PLEKHG4B: variants seen among roughly 807,000 people sequenced by gnomAD.
The protein encoded by PLEKHG4B is pleckstrin homology domain-containing family G member 4B.
In PLEKHG4B, 111 loss-of-function variants were observed where a neutral mutation model predicts 121.3. The ratio of observed to expected loss-of-function variants is 0.92; its 90% CI spans 0.78 to 1.07. The LOEUF (loss-of-function observed/expected upper bound fraction) is 1.07, where lower values mean the gene tolerates loss of function less well. PLEKHG4B is among the 50% of genes least tolerant of loss of function. The pLI is 0.00. For synonymous variants in PLEKHG4B, 738 were observed against 725.0 expected, an observed-to-expected ratio of 1.02 and a Z score of -0.29; for missense variants, 1,831 against 1,757.8, an observed-to-expected ratio of 1.04 and a Z score of -0.74.
chr5:102,494 C>G (rs1733850581), intron 1 of PLEKHG4B, among the ~76,000 whole-genome samples: 1 of 152,072 alleles, frequency 6.6e-6, no homozygotes. Flanking sequence ...AACACTGCAA[C>G]CGCCAGTGCT....
chr5:138,477 A>G (rs1208619801), intron 2 of PLEKHG4B, among the ~76,000 whole-genome samples: 1 of 152,230 alleles, frequency 6.6e-6, no homozygotes, highest in Non-Finnish European at 1.5e-5. Context: ...AAGGCTTTTG[A>G]GAATAACCTT....
In PLEKHG4B at chr5:162,873, G is replaced by A. The variant is rs1008570190; in HGVS notation, c.2801G>A (p.Gly934Glu). The A allele has an allele frequency of 2.0e-6, 3 of 1,518,420 alleles. No homozygotes were observed. Among genetic ancestry groups the A allele is most frequent in the African/African-American group, 1.4e-5 (1 of 72,490 alleles). 94.1% of individuals were successfully genotyped at this position (1,518,420 alleles called of 1,614,324 possible). A position where few individuals can be genotyped will look rare whatever the true frequency, so the allele number is the denominator to read the frequency against. The change falls in exon 13 of 20, where the codon GGG (glycine) becomes GAG (glutamate). Residue 934 changes from glycine to glutamate, a missense_variant. Gly to Glu is a moderately conservative substitution (Grantham distance 98, BLOSUM62 -2). Coordinates refer to ENST00000637938, the MANE Select transcript of PLEKHG4B (RefSeq NM_052909.5). ...GVAVLKPHAL[G>E]KPWASQQDLW... is the part of the protein sequence containing the mutation. ...GCAGTGCTGAAGCCTCATGCCCTGG[G>A]GAAACCGTGGGCATCACAGCAAGAC...
chr5:152,334 C>T (rs1179772232), intron 7 of PLEKHG4B, among the ~76,000 whole-genome samples: 3 of 151,802 alleles, frequency 2.0e-5, no homozygotes, highest in African/African-American at 7.3e-5. Context: ...CCTCAGCCTC[C>T]TGAGTAACTG....
intron 7 of PLEKHG4B, 107 bp downstream of exon 7, chr5:151,706 C>T (rs1735611990): frequency 5.8e-6 from 4 of 691,370 alleles, no homozygotes; most frequent in African/African-American, 1.9e-5. Context: ...TAATTGCATC[C>T]ATGTGGGAGC....
intron 7 of PLEKHG4B, among the ~76,000 whole-genome samples, chr5:154,108 C>A (rs1197095575): frequency 6.6e-6 from 1 of 152,072 alleles, no homozygotes; most frequent in African/African-American, 2.4e-5. Context: ...TGGGTTCAAG[C>A]AATTCTCCTG....
chr5:169,708 T>G, intron 14 of PLEKHG4B, 116 bp downstream of exon 14: 91 of 1,439,344 alleles, frequency 6.3e-5, no homozygotes, highest in Non-Finnish European at 8.1e-5. Flanking sequence ...AGTCCAGGTC[T>G]AGGAGCTGGT....
Position 156,103 on chromosome 5 carries a change from G to T in PLEKHG4B, c.2241G>T (p.Thr747=). ...CCGAGTTAATTGACCAGCATGAGAC[G>T]ATGATGAAGCTTGTCCTGGAAGACC... The part of the protein sequence containing the change: ...EVAELIDQHE[T]MMKLVLEDPL... The change falls in exon 10 of 20, where the codon ACG becomes ACT. Residue 747 remains threonine, a synonymous_variant. Transcript: ENST00000637938. The surrounding 1 kb of genome is among the most constrained non-coding windows in gnomAD (Gnocchi z 4.4). 2.5e-6 allele frequency: 4 copies of T among 1,599,654 alleles called. No individual in the cohort carries two copies. Among genetic ancestry groups the T allele is most frequent in the Non-Finnish European group, 3.4e-6 (4 of 1,172,600 alleles).
In PLEKHG4B at chr5:143,398, G is replaced by A. The variant is rs766418732; in HGVS notation, c.1706G>A (p.Gly569Asp). 6.8e-6 allele frequency: 11 copies of A among 1,612,738 alleles called. No homozygotes were observed. In the East Asian group the frequency reaches 8.9e-5, roughly 13 times the overall value. Residue 569 changes from glycine to aspartate, a missense_variant, in exon 5 of 20, where the codon GGC (glycine) becomes GAC (aspartate). Coordinates refer to ENST00000637938, the MANE Select transcript of PLEKHG4B (RefSeq NM_052909.5). Reference sequence around the variant, plus strand: ...TCCGCAGGGACCCGAGACCGTCATGGCAGAGCAGTGGTGCAGGTCCGCACC... The same window carrying A: ...TCCGCAGGGACCCGAGACCGTCATGACAGAGCAGTGGTGCAGGTCCGCACC... ...VTLPGTRDRH[G>D]RAVVQVRTRS...
intron 18 of PLEKHG4B, among the ~76,000 whole-genome samples, chr5:174,791 C>G (rs568713494): frequency 6.6e-6 from 1 of 152,196 alleles, no homozygotes. Flanking sequence ...GGTCTTCTGT[C>G]TCAGGGCTCT....
chr5:130,759 A>G (rs1318213269), intron 2 of PLEKHG4B, among the ~76,000 whole-genome samples: 7 of 152,246 alleles, frequency 4.6e-5, no homozygotes, highest in Non-Finnish European at 1.0e-4. Context: ...TAGAGAAGAC[A>G]TCAAAATGAG....
chr5:122,874 C>T (rs762019906), intron 2 of PLEKHG4B, among the ~76,000 whole-genome samples: 1 of 152,068 alleles, frequency 6.6e-6, no homozygotes, highest in Non-Finnish European at 1.5e-5. Flanking sequence ...CAATTTGTGG[C>T]AACAAAAGGC....
At chr5:120,116 G>T (rs1052546629) in intron 2 of PLEKHG4B, among the ~76,000 whole-genome samples, 2 of 152,116 alleles carry the variant, frequency 1.3e-5, no homozygotes, top group Admixed American at 6.5e-5. Context: ...AGTCATGGTG[G>T]GTGGTGCATG....
rs961125201 is a variant in PLEKHG4B, at chr5:157,912, G to A, written c.2487+1001G>A. ...GCTCCCCCGGCCTTCAGGTCCATGC[G>A]CGTGCCCTCACGGGGGCCTCCAGAC... On this transcript the variant is annotated intron_variant, in intron 11 of 19. Coordinates refer to ENST00000637938, the MANE Select transcript of PLEKHG4B (RefSeq NM_052909.5). This position sits in a 1 kb window ranked among gnomAD's most constrained non-coding sequence, Gnocchi z 4.6. Among the ~76,000 whole-genome samples, 7 of 152,148 alleles carry A rather than the reference G, an allele frequency of 4.6e-5. No individual in the cohort carries two copies. The highest frequency in any genetic ancestry group is 1.4e-4 in the African/African-American group (6 of 41,418).
At chr5:161,984 T>G (rs1736022852) in intron 12 of PLEKHG4B, 40 bp downstream of exon 12, 2 of 1,563,168 alleles carry the variant, frequency 1.3e-6, no homozygotes, top group Admixed American at 1.8e-5. Context: ...GGATCCCGGC[T>G]CCTTAGGCTG....
rs59129705 is a variant in PLEKHG4B, at chr5:179,933, AT to A, written c.4403-1578del. ...TGTAGGTTTGTGTTTGATTCCTTTT[AT>A]TTGATGGATTTCGGTTTCCTTTTGA... On this transcript the variant is annotated intron_variant, in intron 18 of 19. Transcript: ENST00000637938. 8.9e-3 allele frequency among the ~76,000 whole-genome samples: 1,352 copies of A among 152,024 alleles called. 22 individuals carry two copies. Among genetic ancestry groups the A allele is most frequent in the African/African-American group, 0.031 (1,289 of 41,464 alleles).
In PLEKHG4B at chr5:162,991, C is replaced by T. The variant is rs1179751318; in HGVS notation, c.2919C>T (p.Ser973=). The part of the protein sequence containing the change: ...PDPSLPPLAQ[S]PPKHERAQEA... Reference sequence around the variant, plus strand: ...CCAGCTTACCGCCCCTTGCCCAGAGCCCCCCAAAGCATGAGCGTGCCCAGG... The same window carrying T: ...CCAGCTTACCGCCCCTTGCCCAGAGTCCCCCAAAGCATGAGCGTGCCCAGG... Residue 973 remains serine (S), a synonymous_variant, in exon 13 of 20, where the codon AGC becomes AGT. Coordinates refer to ENST00000637938, the MANE Select transcript of PLEKHG4B (RefSeq NM_052909.5). 1.3e-6 allele frequency: 2 copies of T among 1,567,080 alleles called. No individual in the cohort carries two copies. The highest frequency in any genetic ancestry group is 1.7e-6 in the Non-Finnish European group (2 of 1,156,000).
intron 13 of PLEKHG4B, among the ~76,000 whole-genome samples, chr5:164,944 CGGGGCTT>C (rs1736246379): frequency 2.0e-5 from 1 of 50,726 alleles, no homozygotes; most frequent in Non-Finnish European, 4.3e-5. Context: ...TGTGACGGGG[CGGGGCTT>C]ACACACTAAT....
At chr5:141,638 G>A (rs1357385194) in intron 3 of PLEKHG4B, among the ~76,000 whole-genome samples, 2 of 151,190 alleles carry the variant, frequency 1.3e-5, no homozygotes, top group East Asian at 2.0e-4. Context: ...GAGAGAAAAT[G>A]TGATGATTTA....
chr5:158,379 G>T (rs1372563045), intron 11 of PLEKHG4B, among the ~76,000 whole-genome samples: 1 of 134,736 alleles, frequency 7.4e-6, no homozygotes, highest in African/African-American at 2.9e-5. Context: ...CATCCTGGGG[G>T]TCTCCTCCAT....
Sources: allele counts gnomAD v4.1 joint callset (sites outside exome capture counted in the v4.1 genomes callset), GRCh38; gene constraint gnomAD v4.1.1; non-coding constraint Gnocchi (gnomAD v3.1); transcripts MANE v1.5; gene names NCBI Gene and HGNC (gene_info 2026-07-23, HGNC 2026-07-21).